DPP10: variants seen among roughly 807,000 people sequenced by gnomAD.
The protein encoded by DPP10 is dipeptidyl peptidase like 10.
In DPP10, 33 loss-of-function variants were observed where a neutral mutation model predicts 120.9. The ratio of observed to expected loss-of-function variants is 0.27; its 90% CI spans 0.21 to 0.37. The LOEUF (loss-of-function observed/expected upper bound fraction) is 0.37. Ranked by LOEUF, DPP10 falls within the 10% of genes least tolerant of loss-of-function variation. The pLI is 1.00. For synonymous variants in DPP10, 337 were observed against 326.1 expected (o/e 1.03, Z -0.36); for missense variants, 816 against 942.8 (o/e 0.87, Z 1.76).
chr2:114,713,160 G>A (rs946063193), intron 1 of DPP10, among the ~76,000 whole-genome samples: 6 of 151,940 alleles, frequency 3.9e-5, no homozygotes, highest in African/African-American at 1.5e-4. Flanking sequence ...CTAATTTTTT[G>A]TATTTTTAGT....
At chr2:114,505,294 G>A (rs1412070434) in intron 1 of DPP10, among the ~76,000 whole-genome samples, 17 of 151,986 alleles carry the variant, frequency 1.1e-4, no homozygotes, top group Admixed American at 1.1e-3. Context: ...ATAAATTGTA[G>A]GGAAGTAACT....
chr2:115,086,452 C>CTTTTT (rs70941026), intron 1 of DPP10, among the ~76,000 whole-genome samples: 1 of 106,470 alleles, frequency 9.4e-6, no homozygotes, highest in African/African-American at 3.4e-5. Flanking sequence ...CAATGTATTT[C>CTTTTT]TTTTTTTTTT....
intron 1 of DPP10, among the ~76,000 whole-genome samples, chr2:115,097,423 C>G (rs1336302556): frequency 1.3e-5 from 2 of 152,240 alleles, no homozygotes; most frequent in African/African-American, 4.8e-5. Flanking sequence ...ACTCTTAGAT[C>G]ACCAAAATCT....
chr2:115,095,560 T>C (rs1709650346), intron 1 of DPP10, among the ~76,000 whole-genome samples: 2 of 149,170 alleles, frequency 1.3e-5, no homozygotes, highest in South Asian at 4.2e-4. Context: ...AAAGGAATTC[T>C]GCAATTCTGT....
intron 1 of DPP10, among the ~76,000 whole-genome samples, chr2:114,590,664 G>A (rs1001596225): frequency 5.9e-5 from 9 of 152,128 alleles, no homozygotes; most frequent in Non-Finnish European, 1.3e-4. Context: ...TACTGAATAA[G>A]GAGTTGGAAA....
chr2:115,113,012 T>C (rs2049308843), intron 1 of DPP10, among the ~76,000 whole-genome samples: 1 of 152,148 alleles, frequency 6.6e-6, no homozygotes, highest in African/African-American at 2.4e-5. Flanking sequence ...TTAATTGATA[T>C]AAGTTGTTTG....
At chr2:114,561,503 G>A (rs992134563) in intron 1 of DPP10, among the ~76,000 whole-genome samples, 1 of 152,046 alleles carries the variant, frequency 6.6e-6, no homozygotes, top group African/African-American at 2.4e-5. Context: ...CACATATACA[G>A]AAAGTTTTTG....
At chr2:115,587,099 T>TTC (rs1283072587) in intron 5 of DPP10, among the ~76,000 whole-genome samples, 2 of 146,130 alleles carry the variant, frequency 1.4e-5, no homozygotes, top group African/African-American at 5.1e-5. Flanking sequence ...CTTTTTTTTT[T>TTC]TTTTTTTTTT....
chr2:115,603,535 AC>A (rs1290535981), intron 5 of DPP10, among the ~76,000 whole-genome samples: 7 of 145,762 alleles, frequency 4.8e-5, no homozygotes, highest in African/African-American at 1.8e-4. Flanking sequence ...TGGCCTCTCC[AC>A]TACTGTGTGT....
chr2:114,672,675 C>T (rs1370688307), intron 1 of DPP10, among the ~76,000 whole-genome samples: 1 of 152,114 alleles, frequency 6.6e-6, no homozygotes, highest in Non-Finnish European at 1.5e-5. Context: ...ACCTTCTGTA[C>T]ATTTTTTTCC....
chr2:115,678,617 G>T (rs1237971884), intron 5 of DPP10, among the ~76,000 whole-genome samples: 1 of 152,178 alleles, frequency 6.6e-6, no homozygotes, highest in African/African-American at 2.4e-5. Context: ...AAAATGTAGG[G>T]TTGGAGCCCT....
intron 3 of DPP10, among the ~76,000 whole-genome samples, chr2:115,459,950 C>CACAA (rs2073891753): frequency 2.9e-5 from 1 of 34,262 alleles, no homozygotes; most frequent in East Asian, 8.2e-4. Context: ...CACACACACA[C>CACAA]CTTTGTTTGC....
intron 1 of DPP10, among the ~76,000 whole-genome samples, chr2:114,992,494 T>A (rs933840215): frequency 6.6e-6 from 1 of 152,190 alleles, no homozygotes; most frequent in African/African-American, 2.4e-5. Context: ...TAACACTTAG[T>A]CTGGTTTATT....
intron 5 of DPP10, among the ~76,000 whole-genome samples, chr2:115,582,205 G>A (rs543431199): frequency 1.5e-4 from 23 of 152,208 alleles, no homozygotes; most frequent in South Asian, 1.0e-3. Flanking sequence ...CAGGCTGTCC[G>A]CACGCACAGT....
At chr2:115,308,489 T>C (rs1167893800) in intron 1 of DPP10, among the ~76,000 whole-genome samples, 1 of 152,070 alleles carries the variant, frequency 6.6e-6, no homozygotes, top group African/African-American at 2.4e-5. Flanking sequence ...CTTTGGTGAA[T>C]TATGCCCACA....
chr2:115,276,108 A>C (rs1412659921), intron 1 of DPP10, among the ~76,000 whole-genome samples: 3 of 152,090 alleles, frequency 2.0e-5, no homozygotes, highest in African/African-American at 7.2e-5. Flanking sequence ...ATGTGGAGAG[A>C]ACAATTATAG....
chr2:115,692,505 T>C (rs2091372367), intron 7 of DPP10, among the ~76,000 whole-genome samples: 1 of 152,058 alleles, frequency 6.6e-6, no homozygotes, highest in Non-Finnish European at 1.5e-5. Flanking sequence ...GATAAATACA[T>C]CTTTCTATTG....
At chr2:115,708,644 A>C (rs1258881470) in intron 7 of DPP10, among the ~76,000 whole-genome samples, 2 of 151,840 alleles carry the variant, frequency 1.3e-5, no homozygotes, top group Admixed American at 1.3e-4. Flanking sequence ...TTTGGGGAAA[A>C]TTTTCACCAT....
chr2:115,520,548 A>C (rs2077745944), intron 4 of DPP10, among the ~76,000 whole-genome samples: 1 of 151,982 alleles, frequency 6.6e-6, no homozygotes. Flanking sequence ...AGATGTCTTT[A>C]GATATTTTTA....
Sources: gnomAD v4.1 joint callset for allele counts (sites outside exome capture counted in the v4.1 genomes callset) on GRCh38, gnomAD v4.1.1 for gene constraint, MANE v1.5 for transcripts, NCBI Gene and HGNC (gene_info 2026-07-23, HGNC 2026-07-21) for gene names.